Variants in EEA1 observed in about 807,000 individuals in gnomAD.
The protein encoded by EEA1 is early endosome antigen 1.
A neutral mutation model predicts 209.2 loss-of-function variants in EEA1; 111 were observed. The ratio of observed to expected loss-of-function variants is 0.53; its 90% CI spans 0.45 to 0.62. The LOEUF (loss-of-function observed/expected upper bound fraction) is 0.62. Among genes scored for constraint, EEA1 ranks in the 20% least tolerant of loss-of-function variants. EEA1 has a pLI of 0.00. For missense variants in EEA1, 1,343 were observed against 1,530.8 expected, an observed-to-expected ratio of 0.88 and a Z score of 2.05; for synonymous variants, 536 against 540.6, an observed-to-expected ratio of 0.99 and a Z score of 0.12.
chr12:92,850,564 C>G (rs1260665857), intron 9 of EEA1, among the ~76,000 whole-genome samples: 1 of 151,708 alleles, frequency 6.6e-6, no homozygotes, highest in Non-Finnish European at 1.5e-5. Context: ...GTGGCAGGCA[C>G]CTGTAATCCC....
intron 2 of EEA1, among the ~76,000 whole-genome samples, chr12:92,869,815 T>C (rs1878560844): frequency 8.5e-6 from 1 of 118,082 alleles, no homozygotes; most frequent in African/African-American, 3.3e-5. Flanking sequence ...AAGTGCAGAG[T>C]AGGTGAGATT....
chr12:92,906,160 C>T (rs61935331), intron 1 of EEA1, among the ~76,000 whole-genome samples: 3 of 150,562 alleles, frequency 2.0e-5, no homozygotes, highest in Non-Finnish European at 3.0e-5. Context: ...GGTGTAATCT[C>T]GGCTCATTGC....
At chr12:92,832,409 C>G in intron 11 of EEA1, 103 bp downstream of exon 11, 1 of 1,106,368 alleles carries the variant, frequency 9.0e-7, no homozygotes, top group Non-Finnish European at 1.3e-6. Context: ...TTTAAAATGA[C>G]AATATTTTTT....
chr12:92,776,834 A>T lies in EEA1; in HGVS notation c.4113+10T>A. On this transcript the variant is annotated intron_variant, in intron 28 of 28. Transcript: ENST00000322349. ...TCCAGAAACATAGTTACATGAACAA[A>T]ATTATTTACCCGTCTCACTGTTACT... The T allele has an allele frequency of 6.2e-7, 1 of 1,608,966 alleles. No individual in the cohort carries two copies. Among genetic ancestry groups the T allele is most frequent in the Non-Finnish European group, 8.5e-7 (1 of 1,176,286 alleles).
rs750282542 is a variant in EEA1, at chr12:92,776,874, A to G, written c.4083T>C (p.Cys1361=). The G allele has an allele frequency of 6.2e-7, 1 of 1,611,892 alleles. No individual in the cohort carries two copies. Among genetic ancestry groups the G allele is most frequent in the South Asian group, 1.1e-5 (1 of 91,004 alleles). Residue 1361 remains cysteine (C), a synonymous_variant, in exon 28 of 29, where the codon TGT becomes TGC. Transcript: ENST00000322349. ...EDNEVQNCMA[C]GKGFSVTVRR... is the part of the protein sequence containing the mutation. ...TCACTGTTACTGAAAAGCCTTTCCC[A>G]CAGGCCATACAGTTTTGTACTTCAT...
intron 2 of EEA1, among the ~76,000 whole-genome samples, chr12:92,880,721 C>T (rs530225652): frequency 2.0e-5 from 3 of 152,076 alleles, no homozygotes; most frequent in Non-Finnish European, 4.4e-5. Flanking sequence ...GTGATCAGCC[C>T]GCCTCGGCCT....
chr12:92,799,061 A>G lies in EEA1; in HGVS notation c.2798T>C (p.Leu933Pro). Residue 933 changes from leucine to proline, a missense_variant, in exon 21 of 29, where the codon CTC becomes CCC. Physicochemically the swap from Leu to Pro is moderately conservative, Grantham distance 98. Around this residue, in one of 3 missense-constraint regions of EEA1, gnomAD observed 1,307 missense variants for 1,465.5 expected, o/e 0.89. Coordinates refer to ENST00000322349, the MANE Select transcript of EEA1 (RefSeq NM_003566.4). The stretch of plus-strand genomic sequence containing the variant: ...TATAAGTTGTTCCTGCATTGAATTG[A>G]GTTCCAATTTCAACTGATGAGAAGC... ...KEASHQLKLE[L>P]NSMQEQLIQA... The G allele has an allele frequency of 6.3e-7, 1 of 1,595,084 alleles. No homozygotes were observed. Among genetic ancestry groups the G allele is most frequent in the South Asian group, 1.2e-5 (1 of 86,122 alleles).
chr12:92,803,140 C>T (rs1875015254), intron 18 of EEA1, among the ~76,000 whole-genome samples: 1 of 151,936 alleles, frequency 6.6e-6, no homozygotes, highest in African/African-American at 2.4e-5. Context: ...TGTCTCTTTC[C>T]TTGAAAACAT....
chr12:92,825,006 G>A (rs1398383414), intron 13 of EEA1, among the ~76,000 whole-genome samples: 2 of 152,106 alleles, frequency 1.3e-5, no homozygotes, highest in Non-Finnish European at 2.9e-5. Context: ...GAAGAGAAGG[G>A]CATATTATTT....
chr12:92,808,839 C>A (rs1258024887), intron 18 of EEA1, among the ~76,000 whole-genome samples, 178 bp downstream of exon 18: 1 of 152,078 alleles, frequency 6.6e-6, no homozygotes, highest in Non-Finnish European at 1.5e-5. Context: ...AGAAGTTTAA[C>A]CCTATTATGA....
At chr12:92,850,407 T>C (rs1877562333) in intron 9 of EEA1, among the ~76,000 whole-genome samples, 1 of 152,058 alleles carries the variant, frequency 6.6e-6, no homozygotes, top group African/African-American at 2.4e-5. Flanking sequence ...AATAAGCTTA[T>C]GGCCGGGTGC....
chr12:92,869,028 C>T (rs1386677731), intron 2 of EEA1, among the ~76,000 whole-genome samples: 5 of 151,952 alleles, frequency 3.3e-5, no homozygotes, highest in African/African-American at 7.3e-5. Context: ...TTATTAAAAC[C>T]CATCATTCAT....
chr12:92,823,415 T>G (rs898094645), intron 13 of EEA1, among the ~76,000 whole-genome samples: 1 of 152,236 alleles, frequency 6.6e-6, no homozygotes, highest in Admixed American at 6.5e-5. Flanking sequence ...TTTATCCTTG[T>G]AACTTCTATC....
chr12:92,913,604 T>A (rs943438047), intron 1 of EEA1, among the ~76,000 whole-genome samples: 2 of 152,224 alleles, frequency 1.3e-5, no homozygotes. Context: ...CAGGCTAATG[T>A]CCAGAGAGAT....
intron 11 of EEA1, among the ~76,000 whole-genome samples, chr12:92,828,919 A>G (rs1876465293): frequency 6.6e-6 from 1 of 152,154 alleles, no homozygotes; most frequent in African/African-American, 2.4e-5. Context: ...GATCACATAA[A>G]TGGATTAAAA....
rs552708641 is a variant in EEA1 at position 92,819,796 on chromosome 12, C to T, written c.1525-285G>A. 7.9e-5 allele frequency among the ~76,000 whole-genome samples: 12 copies of T among 152,108 alleles called. No individual in the cohort carries two copies. The East Asian group carries it at 2.3e-3, about 29-fold the overall frequency. On this transcript the variant is annotated intron_variant, in intron 13 of 28. Transcript: ENST00000322349. Reference sequence around the variant, plus strand: ...TCCTGCTACTACTCTTTTTCTGACCCTGATTTCAGACACATGAGACTCAAT... The same window carrying T: ...TCCTGCTACTACTCTTTTTCTGACCTTGATTTCAGACACATGAGACTCAAT...
chr12:92,856,680 C>CT (rs1413058246), intron 5 of EEA1, among the ~76,000 whole-genome samples: 12 of 150,356 alleles, frequency 8.0e-5, no homozygotes, highest in African/African-American at 2.9e-4. Context: ...CTGTTTGAAC[C>CT]TATTTTTTTT....
chr12:92,807,587 T>C (rs1479024204), intron 18 of EEA1, among the ~76,000 whole-genome samples: 1 of 152,118 alleles, frequency 6.6e-6, no homozygotes, highest in African/African-American at 2.4e-5. Context: ...TTGAGCAAGG[T>C]TATAGGCAGA....
At chr12:92,874,806 C>G (rs1292331887) in intron 2 of EEA1, among the ~76,000 whole-genome samples, 3 of 152,194 alleles carry the variant, frequency 2.0e-5, no homozygotes, top group African/African-American at 7.2e-5. Flanking sequence ...CTGTGGTTAA[C>G]AGTGAAATAT....
Sources: gnomAD v4.1 joint callset for allele counts (sites outside exome capture counted in the v4.1 genomes callset) on GRCh38, gnomAD v4.1.1 for gene constraint, gnomAD v4.1.1 regional missense constraint, MANE v1.5 for transcripts, NCBI Gene and HGNC (gene_info 2026-07-23, HGNC 2026-07-21) for gene names.